Variants in CAMK1D observed in about 807,000 individuals in gnomAD.
CAMK1D encodes calcium/calmodulin dependent protein kinase ID.
CAMK1D carries 9 observed loss-of-function variants against 47.7 expected under a neutral mutation model. The observed-to-expected ratio is 0.19, with a 90% confidence interval of 0.11 to 0.33. CAMK1D has a LOEUF of 0.33. Among genes scored for constraint, CAMK1D ranks in the 10% least tolerant of loss-of-function variants. The probability of loss-of-function intolerance (pLI) is 1.00; values close to 1 mark genes in which losing one functional copy is unlikely to be tolerated. For missense variants in CAMK1D, 291 were observed against 488.7 expected, an observed-to-expected ratio of 0.60 and a Z score of 3.81; for synonymous variants, 184 against 184.9, an observed-to-expected ratio of 0.99 and a Z score of 0.04.
intron 2 of CAMK1D, among the ~76,000 whole-genome samples, chr10:12,662,586 A>G (rs564669308): frequency 1.5e-4 from 22 of 151,292 alleles, no homozygotes; most frequent in African/African-American, 5.1e-4. Context: ...CGGGGGGCGG[A>G]GCTTGCAGTG....
intron 2 of CAMK1D, among the ~76,000 whole-genome samples, chr10:12,643,477 G>T (rs1355413234): frequency 6.6e-6 from 1 of 152,098 alleles, no homozygotes; most frequent in Non-Finnish European, 1.5e-5. Flanking sequence ...TCCATCACCC[G>T]CCTGAGCTCC....
chr10:12,364,783 C>CTGAT (rs1186886629), intron 1 of CAMK1D, among the ~76,000 whole-genome samples: 2 of 152,240 alleles, frequency 1.3e-5, no homozygotes, highest in Admixed American at 6.5e-5. Flanking sequence ...CCCACCTGGT[C>CTGAT]TGATTTCAAG....
chr10:12,780,281 G>A (rs1837438272), intron 5 of CAMK1D, among the ~76,000 whole-genome samples: 2 of 152,176 alleles, frequency 1.3e-5, no homozygotes, highest in South Asian at 4.1e-4. Flanking sequence ...GGACTTGAAT[G>A]TAAGCGTCCT....
intron 1 of CAMK1D, among the ~76,000 whole-genome samples, chr10:12,552,111 C>T (rs1030782166): frequency 1.3e-5 from 2 of 152,216 alleles, no homozygotes; most frequent in Non-Finnish European, 2.9e-5. Context: ...GTTCTGCACG[C>T]AGGCCTTGCC....
intron 1 of CAMK1D, among the ~76,000 whole-genome samples, chr10:12,399,049 C>T (rs1169536343): frequency 6.6e-6 from 1 of 152,116 alleles, no homozygotes; most frequent in Non-Finnish European, 1.5e-5. Flanking sequence ...TCCTTTCTAG[C>T]AGGTCTCTCT....
At chr10:12,513,551 C>T (rs1047812671) in intron 1 of CAMK1D, among the ~76,000 whole-genome samples, 11 of 152,128 alleles carry the variant, frequency 7.2e-5, no homozygotes, top group South Asian at 4.2e-4. Context: ...CTTTGGAGGC[C>T]GAGGCAGTCA....
chr10:12,749,163 A>G (rs374085066), intron 3 of CAMK1D, among the ~76,000 whole-genome samples: 1 of 152,208 alleles, frequency 6.6e-6, no homozygotes, highest in East Asian at 1.9e-4. Context: ...GAGCTATTCA[A>G]AATTGCAACC....
At chr10:12,553,101 A>G in intron 1 of CAMK1D, 124 bp from the exon 2 acceptor site, 1 of 1,532,254 alleles carries the variant, frequency 6.5e-7, no homozygotes, top group Non-Finnish European at 8.8e-7. Flanking sequence ...GGATAAAAGT[A>G]ACAGTAATGC....
intron 5 of CAMK1D, among the ~76,000 whole-genome samples, chr10:12,783,478 G>T (rs1180180275): frequency 6.6e-6 from 1 of 152,188 alleles, no homozygotes; most frequent in African/African-American, 2.4e-5. Flanking sequence ...TTCCTAGGAG[G>T]CTAAGGGCTT....
chr10:12,360,878 G>T (rs1360156152), intron 1 of CAMK1D, among the ~76,000 whole-genome samples: 1 of 152,062 alleles, frequency 6.6e-6, no homozygotes, highest in South Asian at 2.1e-4. Context: ...TCTTTCTCCC[G>T]GGCCAGGCCG....
At chr10:12,628,330 CTTGGTGTTG>C (rs1260247513) in intron 2 of CAMK1D, among the ~76,000 whole-genome samples, 1 of 152,044 alleles carries the variant, frequency 6.6e-6, no homozygotes, top group Non-Finnish European at 1.5e-5. Flanking sequence ...CTCATTAATC[CTTGGTGTTG>C]TTGGTCTTTT....
intron 2 of CAMK1D, among the ~76,000 whole-genome samples, chr10:12,666,045 C>T (rs751826857): frequency 6.6e-6 from 1 of 152,126 alleles, no homozygotes; most frequent in Non-Finnish European, 1.5e-5. Context: ...CTGTGCTTGT[C>T]GTGGGGCCTG....
intron 1 of CAMK1D, among the ~76,000 whole-genome samples, chr10:12,501,714 TTCTAGTG>T (rs1331780514): frequency 2.0e-5 from 3 of 152,164 alleles, no homozygotes; most frequent in Non-Finnish European, 4.4e-5. Context: ...TGTGTGCCGC[TTCTAGTG>T]TCTGTGGGCG....
chr10:12,686,329 A>T lies in CAMK1D; in HGVS notation c.299+19519A>T, dbSNP rs184013506. Among the ~76,000 whole-genome samples, 259 of 151,730 alleles carry T rather than the reference A, an allele frequency of 1.7e-3. 1 individual carries two copies. The Middle Eastern group carries it at 0.017, about 10-fold the overall frequency. On this transcript the variant is annotated intron_variant, in intron 3 of 10. Transcript: ENST00000619168. ...GTACATACTTTTTATTTATTTATTT[A>T]TTTTTTTTGGAGATGGAGTTTCGCT...
rs150504658 is a variant in CAMK1D at position 12,774,719 on chromosome 10, G to T, written c.565+4920G>T. ...GGCAGGCTGGTGGGCATTCCTGCCTGAGCTCCGCCTCCTGTCAGATCAGCA... is the reference window on the plus strand; with the variant it reads ...GGCAGGCTGGTGGGCATTCCTGCCTTAGCTCCGCCTCCTGTCAGATCAGCA... On this transcript the variant is annotated intron_variant, in intron 5 of 10. Coordinates refer to ENST00000619168, the MANE Select transcript of CAMK1D (RefSeq NM_153498.4). 3.5e-4 allele frequency among the ~76,000 whole-genome samples: 54 copies of T among 152,360 alleles called. 1 individual carries two copies. The East Asian group carries it at 6.2e-3, about 17-fold the overall frequency.
intron 2 of CAMK1D, among the ~76,000 whole-genome samples, chr10:12,639,949 G>A (rs182226768): frequency 5.3e-4 from 81 of 152,230 alleles, no homozygotes; most frequent in Non-Finnish European, 2.9e-4. Context: ...AGCTCTGCTC[G>A]CACAATTGCT....
chr10:12,624,437 C>T (rs1839142941), intron 2 of CAMK1D, among the ~76,000 whole-genome samples: 2 of 152,186 alleles, frequency 1.3e-5, no homozygotes, highest in African/African-American at 4.8e-5. Context: ...AACCACCTCT[C>T]CACTCTCGGA....
intron 3 of CAMK1D, among the ~76,000 whole-genome samples, chr10:12,753,422 A>G (rs928404080): frequency 6.6e-6 from 1 of 152,254 alleles, no homozygotes; most frequent in Admixed American, 6.5e-5. Context: ...AGGACACCTC[A>G]GGAAATATGT....
intron 1 of CAMK1D, among the ~76,000 whole-genome samples, chr10:12,430,678 T>C (rs1371054388): frequency 6.6e-6 from 1 of 152,184 alleles, no homozygotes; most frequent in Non-Finnish European, 1.5e-5. Flanking sequence ...GAGTATTGGA[T>C]ATGTCTCCAT....
Sources: gnomAD v4.1 joint callset for allele counts (sites outside exome capture counted in the v4.1 genomes callset) on GRCh38, gnomAD v4.1.1 for gene constraint, MANE v1.5 for transcripts, NCBI Gene and HGNC (gene_info 2026-07-23, HGNC 2026-07-21) for gene names.